The following AGBL4 variants were observed in gnomAD, a reference collection of about 807,000 sequenced individuals.
AGBL4 encodes AGBL carboxypeptidase 4.
Under a neutral mutation model 66.4 loss-of-function variants are expected in AGBL4, and 58 were observed. The observed-to-expected ratio is 0.87, with a 90% confidence interval of 0.71 to 1.09. The LOEUF is 1.09. AGBL4 is among the 50% of genes least tolerant of loss of function. The pLI, the probability that AGBL4 is intolerant of heterozygous loss-of-function variation, is 0.00. For missense variants in AGBL4, 579 were observed against 631.0 expected, an observed-to-expected ratio of 0.92 and a Z score of 0.88; for synonymous variants, 234 against 222.9, an observed-to-expected ratio of 1.05 and a Z score of -0.44.
intron 6 of AGBL4, among the ~76,000 whole-genome samples, chr1:48,703,889 A>C (rs1340048952): frequency 1.3e-5 from 2 of 152,254 alleles, no homozygotes; most frequent in Non-Finnish European, 2.9e-5. Context: ...AAATATAGAT[A>C]CACACCCATG....
At chr1:49,372,693 T>C (rs1189392263) in intron 3 of AGBL4, among the ~76,000 whole-genome samples, 2 of 148,108 alleles carry the variant, frequency 1.4e-5, no homozygotes, top group Admixed American at 6.8e-5. Flanking sequence ...TTCTTTCTCT[T>C]TCTTTCTTTT....
chr1:49,571,301 A>T (rs1424813849), intron 3 of AGBL4, among the ~76,000 whole-genome samples: 1 of 151,844 alleles, frequency 6.6e-6, no homozygotes, highest in Non-Finnish European at 1.5e-5. Context: ...GAAATTTTTC[A>T]CTTCCTTGCT....
intron 5 of AGBL4, among the ~76,000 whole-genome samples, chr1:49,026,424 A>G (rs750455385): frequency 6.6e-6 from 1 of 152,202 alleles, no homozygotes; most frequent in Non-Finnish European, 1.5e-5. Context: ...GAGTCATAAA[A>G]TAGGGCAGGA....
At position 48,865,951 on chromosome 1, in the gene AGBL4, T is replaced by C. The variant is rs187235532; in HGVS notation, c.634+1240A>G. On this transcript the variant is annotated intron_variant, in intron 6 of 13. Transcript: ENST00000371839. ...GCCCAGGATTTGGAATTTCTATATA[T>C]GTTAATCATATATATGTTAAATGTA... Among the ~76,000 whole-genome samples the C allele has an allele frequency of 5.3e-5, 8 of 152,332 alleles. No homozygotes were observed. The East Asian group carries it at 5.8e-4, about 11-fold the overall frequency.
chr1:49,323,737 C>G (rs1645174285), intron 3 of AGBL4, among the ~76,000 whole-genome samples: 1 of 151,150 alleles, frequency 6.6e-6, no homozygotes, highest in Admixed American at 6.6e-5. Context: ...CCACTGCACT[C>G]CAGCCTGGGT....
chr1:49,203,811 C>CA (rs1340700009), intron 4 of AGBL4, among the ~76,000 whole-genome samples: 1 of 151,548 alleles, frequency 6.6e-6, no homozygotes, highest in Non-Finnish European at 1.5e-5. Flanking sequence ...TCTCAAAAAA[C>CA]AAAAAAAGAG....
At chr1:48,987,638 A>G (rs1660281872) in intron 5 of AGBL4, among the ~76,000 whole-genome samples, 1 of 152,140 alleles carries the variant, frequency 6.6e-6, no homozygotes, top group Admixed American at 6.6e-5. Context: ...GATTTGAACA[A>G]CACTATCAAC....
intron 4 of AGBL4, among the ~76,000 whole-genome samples, chr1:49,241,439 T>C (rs995572565): frequency 1.3e-5 from 2 of 152,120 alleles, no homozygotes; most frequent in Non-Finnish European, 2.9e-5. Flanking sequence ...GTACAAACAA[T>C]ACTTCCTAAG....
intron 3 of AGBL4, among the ~76,000 whole-genome samples, chr1:49,533,431 A>G (rs1003910923): frequency 6.6e-6 from 1 of 152,004 alleles, no homozygotes; most frequent in Non-Finnish European, 1.5e-5. Context: ...GGGGTCCTCA[A>G]TCTGCTTGCA....
At chr1:49,810,958 G>A (rs1316544753) in intron 2 of AGBL4, among the ~76,000 whole-genome samples, 1 of 152,104 alleles carries the variant, frequency 6.6e-6, no homozygotes, top group Non-Finnish European at 1.5e-5. Flanking sequence ...CAGAAAGGGT[G>A]GCACAGTATC....
At chr1:49,729,760 C>T (rs1336475880) in intron 2 of AGBL4, among the ~76,000 whole-genome samples, 2 of 152,034 alleles carry the variant, frequency 1.3e-5, no homozygotes, top group Non-Finnish European at 2.9e-5. Flanking sequence ...TTATAAAGAT[C>T]CGAATTAATA....
intron 5 of AGBL4, among the ~76,000 whole-genome samples, chr1:48,941,198 G>C (rs775029475): frequency 6.6e-6 from 1 of 152,196 alleles, no homozygotes; most frequent in Non-Finnish European, 1.5e-5. Context: ...CTGAGCATAT[G>C]ACCCAGATTA....
chr1:48,895,034 G>C (rs532540440), intron 5 of AGBL4, among the ~76,000 whole-genome samples: 10 of 152,148 alleles, frequency 6.6e-5, no homozygotes, highest in African/African-American at 2.4e-4. Flanking sequence ...CTTAGCAGAC[G>C]TACCTGGGCA....
intron 3 of AGBL4, among the ~76,000 whole-genome samples, chr1:49,436,746 C>T (rs533327387): frequency 4.3e-4 from 65 of 152,124 alleles, no homozygotes; most frequent in Middle Eastern, 6.8e-3. Context: ...GTAGTTCCGA[C>T]GACAGCTTAT....
intron 1 of AGBL4, among the ~76,000 whole-genome samples, chr1:49,857,053 T>C (rs1353251405): frequency 6.6e-6 from 1 of 151,188 alleles, no homozygotes; most frequent in Non-Finnish European, 1.5e-5. Context: ...AAATTCAACC[T>C]ATGTAAATCA....
chr1:49,485,256 A>T (rs944127540), intron 3 of AGBL4, among the ~76,000 whole-genome samples: 1 of 151,946 alleles, frequency 6.6e-6, no homozygotes, highest in African/African-American at 2.4e-5. Context: ...GCATATATAC[A>T]CCATGGAATA....
chr1:49,509,631 T>C (rs1490604523), intron 3 of AGBL4, among the ~76,000 whole-genome samples: 1 of 151,958 alleles, frequency 6.6e-6, no homozygotes, highest in Non-Finnish European at 1.5e-5. Flanking sequence ...TGGAGGTTTC[T>C]AAGCAGGAAT....
Position 49,846,277 on chromosome 1 carries a change from C to T in AGBL4, c.157+5119G>A. The stretch of plus-strand genomic sequence containing the variant: ...ATTGTGGAAAGTCCTTTAGGCAGAG[C>T]ACCCACCTCACACAGCACTGGAGGA... On this transcript the variant is annotated intron_variant, in intron 2 of 13. Coordinates refer to ENST00000371839, the MANE Select transcript of AGBL4 (RefSeq NM_032785.4). The T allele has an allele frequency of 7.4e-6, 11 of 1,489,936 alleles. No individual in the cohort carries two copies. In the South Asian group the frequency reaches 1.1e-4, roughly 15 times the overall value. 92.3% of individuals were successfully genotyped at this position (1,489,936 alleles called of 1,614,324 possible).
At chr1:49,620,881 A>G (rs1423648837) in intron 3 of AGBL4, among the ~76,000 whole-genome samples, 1 of 151,550 alleles carries the variant, frequency 6.6e-6, no homozygotes, top group East Asian at 1.9e-4. Flanking sequence ...TTTCAAAATT[A>G]CTTGATTAAG....
Sources: allele counts gnomAD v4.1 joint callset (sites outside exome capture counted in the v4.1 genomes callset), GRCh38; gene constraint gnomAD v4.1.1; transcripts MANE v1.5; gene names NCBI Gene and HGNC (gene_info 2026-07-23, HGNC 2026-07-21).